Variants in ZDHHC2 observed in about 807,000 individuals in gnomAD.
ZDHHC2 encodes the protein zDHHC palmitoyltransferase 2.
ZDHHC2 carries 51 observed loss-of-function variants against 55.6 expected under a neutral mutation model. The ratio of observed to expected loss-of-function variants is 0.92; its 90% CI spans 0.73 to 1.16. ZDHHC2 has a LOEUF of 1.16. Among genes scored for constraint, ZDHHC2 ranks in the 50% most tolerant of loss-of-function variants. The probability of loss-of-function intolerance (pLI) is 0.00; values close to 1 mark genes in which losing one functional copy is unlikely to be tolerated. For synonymous variants in ZDHHC2, 199 were observed against 152.9 expected, an observed-to-expected ratio of 1.30 and a Z score of -2.22; for missense variants, 491 against 442.4, an observed-to-expected ratio of 1.11 and a Z score of -0.99.
rs1338548037 is a variant in ZDHHC2 at position 17,156,748 on chromosome 8, A to C, written c.25A>C (p.Ser9Arg). The part of the protein sequence containing the change: MAPSGPGS[S>R]ARRRCRRVLY... Reference sequence around the variant, plus strand: ...GATGGCGCCCTCGGGCCCGGGCAGCAGCGCCAGGCGGCGGTGCCGGCGGGT... The same window carrying C: ...GATGGCGCCCTCGGGCCCGGGCAGCCGCGCCAGGCGGCGGTGCCGGCGGGT... Residue 9 changes from serine (S) to arginine (R), a missense_variant, in exon 1 of 13, where the codon AGC becomes CGC. Ser to Arg is a moderately radical substitution (Grantham distance 110). Coordinates refer to ENST00000262096, the MANE Select transcript of ZDHHC2 (RefSeq NM_016353.5). 1.0e-5 allele frequency: 15 copies of C among 1,494,666 alleles called. No homozygotes were observed. The East Asian group carries it at 1.4e-4, about 14-fold the overall frequency. 92.6% of individuals were successfully genotyped at this position (1,494,666 alleles called of 1,614,324 possible).
In ZDHHC2 at chr8:17,156,862, GC is replaced by G; in HGVS notation, c.130+15del. 7 of 1,488,678 alleles carry G rather than the reference GC, an allele frequency of 4.7e-6. No individual in the cohort carries two copies. Among genetic ancestry groups the G allele is most frequent in the South Asian group, 2.5e-5 (2 of 78,926 alleles). 92.2% of individuals were successfully genotyped at this position (1,488,678 alleles called of 1,614,324 possible). A position where few individuals can be genotyped will look rare whatever the true frequency, so the allele number is the denominator to read the frequency against. On this transcript the variant is annotated intron_variant, in intron 1 of 12. Transcript: ENST00000262096. ...CATCCAGCTGTGCATAGGTGAGTGC[GC>G]CCCCCGCCGCGGCGCCCCCAGCGCA...
In ZDHHC2 at chr8:17,205,783, A is replaced by G. The variant is rs766151686; in HGVS notation, c.597+8A>G. 6.3e-6 allele frequency: 10 copies of G among 1,593,404 alleles called. No individual in the cohort carries two copies. The South Asian group carries it at 1.0e-4, about 17-fold the overall frequency. ...TTTATCAAATTTTGGACAGTAAGTC[A>G]TTAACTTGGTAACTCTTTTTTTGGT... On this transcript the variant is annotated splice_region_variant and intron_variant, in intron 7 of 12. Coordinates refer to ENST00000262096, the MANE Select transcript of ZDHHC2 (RefSeq NM_016353.5).
At chr8:17,182,837 C>G (rs781729269) in intron 1 of ZDHHC2, among the ~76,000 whole-genome samples, 3 of 152,198 alleles carry the variant, frequency 2.0e-5, no homozygotes, top group Non-Finnish European at 2.9e-5. Context: ...TGTTGGCTCA[C>G]TGCAACCTCT....
rs1461864114 is a variant in ZDHHC2 at position 17,221,664 on chromosome 8, AT to A, written c.*1444del. 6.6e-6 allele frequency: 1 copy of A among 152,528 alleles called. No individual in the cohort carries two copies. The highest frequency in any genetic ancestry group is 1.9e-4 in the East Asian group (1 of 5,202). 9.4% of individuals were successfully genotyped at this position (152,528 alleles called of 1,614,324 possible). On this transcript the variant is annotated 3_prime_UTR_variant, in exon 13 of 13. Coordinates refer to ENST00000262096, the MANE Select transcript of ZDHHC2 (RefSeq NM_016353.5). ...GCAATTACTTATCCTTCCTAAAAATATAGTTTTATATTAATTGTGCTTATGG... is the reference window on the plus strand; with the variant it reads ...GCAATTACTTATCCTTCCTAAAAATAAGTTTTATATTAATTGTGCTTATGG...
intron 6 of ZDHHC2, among the ~76,000 whole-genome samples, chr8:17,201,869 A>G (rs966766157): frequency 1.3e-5 from 2 of 151,988 alleles, no homozygotes; most frequent in East Asian, 1.9e-4. Flanking sequence ...GAATATTTGA[A>G]ACATTGGATC....
intron 6 of ZDHHC2, among the ~76,000 whole-genome samples, chr8:17,204,067 A>G (rs990063523): frequency 3.9e-5 from 6 of 152,158 alleles, no homozygotes; most frequent in African/African-American, 1.4e-4. Flanking sequence ...CGGCCACCCA[A>G]AGTGCTGGGA....
chr8:17,199,774 T>G (rs1806644000), intron 6 of ZDHHC2, among the ~76,000 whole-genome samples: 1 of 149,484 alleles, frequency 6.7e-6, no homozygotes, highest in African/African-American at 2.5e-5. Context: ...TTTTTTTTTT[T>G]TTTGAGACAG....
chr8:17,167,587 C>T (rs1002079326), intron 1 of ZDHHC2, among the ~76,000 whole-genome samples: 3 of 152,010 alleles, frequency 2.0e-5, no homozygotes, highest in Non-Finnish European at 2.9e-5. Flanking sequence ...TGAGCCACCA[C>T]GCCCGGCCAC....
rs190630185 is a variant in ZDHHC2, at chr8:17,210,450, C to G, written c.920C>G (p.Thr307Ser). The G allele has an allele frequency of 2.7e-3, 4,274 of 1,612,716 alleles. 7 individuals are homozygous for G. The highest frequency in any genetic ancestry group is 3.3e-3 in the Non-Finnish European group (3,906 of 1,179,270). Residue 307 changes from threonine (T) to serine (S), a missense_variant, in exon 10 of 13, where the codon ACT (threonine) becomes AGT (serine). Physicochemically the swap from Thr to Ser is moderately conservative, Grantham distance 58. Coordinates refer to ENST00000262096, the MANE Select transcript of ZDHHC2 (RefSeq NM_016353.5). ...LVNQDPEQAS[T>S]PAGLNSTAKN... ...AACCAGGATCCTGAACAAGCATCTACTCCTGCAGGGCTGAATTCCACAGCT... is the reference window on the plus strand; with the variant it reads ...AACCAGGATCCTGAACAAGCATCTAGTCCTGCAGGGCTGAATTCCACAGCT...
rs192705920 is a variant in ZDHHC2 at position 17,197,684 on chromosome 8, A to G, written c.443+33A>G. ...AACCTTTAACTTCTAAAATATCTAC[A>G]TGCTGGTGGTCTTTTTCTTCATTAT... On this transcript the variant is annotated intron_variant, in intron 5 of 12. Transcript: ENST00000262096. The G allele has an allele frequency of 4.4e-3, 6,859 of 1,572,872 alleles. 13 individuals carry two copies. The highest frequency in any genetic ancestry group is 5.6e-3 in the Non-Finnish European group (6,469 of 1,147,654).
Position 17,198,378 on chromosome 8 carries a change from T to C in ZDHHC2, c.444-3T>C, listed in dbSNP as rs766911296. On this transcript the variant is annotated splice_region_variant and splice_polypyrimidine_tract_variant and intron_variant, in intron 5 of 12. Coordinates refer to ENST00000262096, the MANE Select transcript of ZDHHC2 (RefSeq NM_016353.5). ...AGGTTTTGTGTTCTGCTTTGTTTTT[T>C]AGATGTATTTTGAAGATGGATCATC... is the stretch of plus-strand genomic sequence containing the variant. 6.2e-7 allele frequency: 1 copy of C among 1,602,204 alleles called. No individual in the cohort carries two copies. Among genetic ancestry groups the C allele is most frequent in the East Asian group, 2.3e-5 (1 of 44,208 alleles).
chr8:17,209,853 C>T, intron 8 of ZDHHC2, 79 bp from the exon 9 acceptor site: 3 of 1,441,834 alleles, frequency 2.1e-6, no homozygotes, highest in Non-Finnish European at 2.8e-6. Flanking sequence ...TCTTCATTTA[C>T]TTCAATTATT....
At chr8:17,157,292 C>A (rs2150870232) in intron 1 of ZDHHC2, 2 of 154,172 alleles carry the variant, frequency 1.3e-5, no homozygotes, top group East Asian at 1.9e-4. Context: ...GAGCTGGATC[C>A]CTTGCTGGTT....
At chr8:17,158,790 C>A (rs1313636643) in intron 1 of ZDHHC2, among the ~76,000 whole-genome samples, 1 of 152,120 alleles carries the variant, frequency 6.6e-6, no homozygotes, top group Non-Finnish European at 1.5e-5. Context: ...TCCCTGCCTG[C>A]CTGGCGCAAT....
At chr8:17,201,710 A>G (rs1806783922) in intron 6 of ZDHHC2, among the ~76,000 whole-genome samples, 1 of 146,846 alleles carries the variant, frequency 6.8e-6, no homozygotes, top group Non-Finnish European at 1.5e-5. Flanking sequence ...GTTAGCCAGG[A>G]TGGTCTCGAT....
At chr8:17,182,103 T>C (rs1805460018) in intron 1 of ZDHHC2, among the ~76,000 whole-genome samples, 1 of 152,190 alleles carries the variant, frequency 6.6e-6, no homozygotes, top group South Asian at 2.1e-4. Flanking sequence ...AGTCCATATA[T>C]CTGTTAATGA....
At chr8:17,211,982 A>G (rs902452127) in intron 10 of ZDHHC2, among the ~76,000 whole-genome samples, 1 of 152,186 alleles carries the variant, frequency 6.6e-6, no homozygotes, top group Non-Finnish European at 1.5e-5. Context: ...TTAATAATTT[A>G]AGAAATCATT....
chr8:17,159,964 G>A (rs1367057583), intron 1 of ZDHHC2, among the ~76,000 whole-genome samples: 2 of 152,022 alleles, frequency 1.3e-5, no homozygotes, highest in Non-Finnish European at 2.9e-5. Context: ...ATATTAGGTT[G>A]GTTTCCGTCA....
At chr8:17,186,513 G>T in intron 3 of ZDHHC2, 88 bp downstream of exon 3, 1 of 776,840 alleles carries the variant, frequency 1.3e-6, no homozygotes, top group Non-Finnish European at 1.9e-6. Flanking sequence ...TTTTAATGTT[G>T]CAAACTTATT....
Sources: gnomAD v4.1 joint callset for allele counts (sites outside exome capture counted in the v4.1 genomes callset) on GRCh38, gnomAD v4.1.1 for gene constraint, MANE v1.5 for transcripts, NCBI Gene and HGNC (gene_info 2026-07-23, HGNC 2026-07-21) for gene names.